HPS4: variants seen among roughly 807,000 people sequenced by gnomAD.
HPS4 encodes the protein HPS4 biogenesis of lysosomal organelles complex 3 subunit 2.
In HPS4, 44 loss-of-function variants were observed where a neutral mutation model predicts 70.3. That is an observed-to-expected ratio of 0.63 (90% confidence interval 0.49 to 0.80). The LOEUF is 0.80. HPS4 is among the 30% of genes least tolerant of loss of function. The probability of loss-of-function intolerance (pLI) is 0.00; values close to 1 mark genes in which losing one functional copy is unlikely to be tolerated. For synonymous variants in HPS4, 377 were observed against 355.9 expected (o/e 1.06, Z -0.67); for missense variants, 873 against 884.4 (o/e 0.99, Z 0.16).
intron 6 of HPS4, chr22:26,471,058 G>T: frequency 1.4e-6 from 1 of 692,114 alleles, no homozygotes; most frequent in Non-Finnish European, 2.5e-6. Flanking sequence ...AAGCTAGAAG[G>T]TGCAGCAAAT....
chr22:26,456,462 T>A (rs979357510), intron 13 of HPS4, among the ~76,000 whole-genome samples: 6 of 152,150 alleles, frequency 3.9e-5, no homozygotes, highest in Non-Finnish European at 5.9e-5. Flanking sequence ...ACATTGAGAC[T>A]ATCCTGGCCA....
rs746151193 is a variant in HPS4 at position 26,458,466 on chromosome 22, G to A, written c.1825C>T (p.Arg609Cys). The change falls in exon 12 of 14, where the codon CGC (arginine) becomes TGC (cysteine). Residue 609 changes from arginine (R) to cysteine (C), a missense_variant. Arg to Cys is a radical substitution (Grantham distance 180). Transcript: ENST00000398145. ...TTACCCATCAGCAAGCTCTGAATGC[G>A]GTCGTAATGTGTGAAGTTGTAGGTG... ...SSTYNFTHYD[R>C]IQSLLMANLP... 8 of 1,613,970 alleles carry A rather than the reference G, an allele frequency of 5.0e-6. No homozygotes were observed. The highest frequency in any genetic ancestry group is 2.2e-5 in the East Asian group (1 of 44,886).
At chr22:26,471,332 C>T (rs1045086359) in intron 6 of HPS4, 11 of 455,218 alleles carry the variant, frequency 2.4e-5, no homozygotes, top group African/African-American at 1.4e-4. Flanking sequence ...CTCTTTCACT[C>T]GGGGAAATAT....
At chr22:26,466,033 C>T (rs2088520646) in intron 9 of HPS4, 193 bp downstream of exon 9, 6 of 1,528,408 alleles carry the variant, frequency 3.9e-6, no homozygotes, top group Non-Finnish European at 5.3e-6. Flanking sequence ...GACAGCATGC[C>T]TAAAATCATA....
At position 26,457,965 on chromosome 22, in the gene HPS4, T is replaced by A; in HGVS notation, c.1849A>T (p.Asn617Tyr). 2 of 1,612,592 alleles carry A rather than the reference T, an allele frequency of 1.2e-6. No homozygotes were observed. The highest frequency in any genetic ancestry group is 1.7e-6 in the Non-Finnish European group (2 of 1,179,654). Reference protein sequence around the residue: ...YDRIQSLLMANLPQVATPQDR... With the variant: ...YDRIQSLLMAYLPQVATPQDR... ...TGCGGGGTGGCCACCTGCGGCAGGT[T>A]TGCTTCCAGAAGAGGACACAGAGTT... The change falls in exon 13 of 14, where the codon AAC (asparagine) becomes TAC (tyrosine). Residue 617 changes from asparagine (N) to tyrosine (Y), a missense_variant and splice_region_variant. Physicochemically the swap from Asn to Tyr is moderately radical, Grantham distance 143 (BLOSUM62 -2). Transcript: ENST00000398145.
chr22:26,473,551 G>A (rs904278270), intron 4 of HPS4, among the ~76,000 whole-genome samples: 2 of 152,112 alleles, frequency 1.3e-5, no homozygotes, highest in Admixed American at 6.5e-5. Flanking sequence ...TCAAGAGATC[G>A]AGACCATCCT....
chr22:26,478,865 G>GT (rs1358859359), intron 3 of HPS4, among the ~76,000 whole-genome samples: 1 of 151,950 alleles, frequency 6.6e-6, no homozygotes, highest in East Asian at 1.9e-4. Flanking sequence ...GGGATTTTTA[G>GT]TAGAGACAGG....
chr22:26,463,478 T>C (rs1347793190), intron 11 of HPS4, among the ~76,000 whole-genome samples: 1 of 152,224 alleles, frequency 6.6e-6, no homozygotes, highest in East Asian at 1.9e-4. Flanking sequence ...AGTCTCTGCC[T>C]GCATTATCTC....
At chr22:26,457,815 AG>A in intron 13 of HPS4, 43 bp downstream of exon 13, 1 of 1,457,962 alleles carries the variant, frequency 6.9e-7, no homozygotes, top group Non-Finnish European at 9.6e-7. Context: ...TCCCATGAGC[AG>A]GACCGTGGAG....
chr22:26,453,670 T>C lies in HPS4; in HGVS notation c.1956-266A>G, dbSNP rs1438974470. ...GCAGCAGCCACAGATCCTGGAGTTA[T>C]AAGTATTGCATAAAGGAACTGTGGA... On this transcript the variant is annotated intron_variant, in intron 13 of 13. Transcript: ENST00000398145. 4 of 515,570 alleles carry C rather than the reference T, an allele frequency of 7.8e-6. No individual in the cohort carries two copies. In the East Asian group the frequency reaches 1.1e-4, roughly 14 times the overall value. 31.9% of individuals were successfully genotyped at this position (515,570 alleles called of 1,614,324 possible).
intron 11 of HPS4, among the ~76,000 whole-genome samples, chr22:26,461,029 A>T (rs1431218367): frequency 6.6e-6 from 1 of 152,254 alleles, no homozygotes; most frequent in Non-Finnish European, 1.5e-5. Context: ...CCACCGATAT[A>T]TACTGCTACA....
intron 7 of HPS4, among the ~76,000 whole-genome samples, chr22:26,470,098 C>G (rs566715547): frequency 6.6e-6 from 1 of 152,264 alleles, no homozygotes; most frequent in Non-Finnish European, 1.5e-5. Flanking sequence ...CCGGGCACAG[C>G]GCAATGGCCC....
intron 13 of HPS4, 32 bp downstream of exon 13, chr22:26,457,827 A>G: frequency 6.5e-7 from 1 of 1,531,438 alleles, no homozygotes. Flanking sequence ...GACCGTGGAG[A>G]GTAGGTTGGG....
chr22:26,483,636 C>T, intron 1 of HPS4, 38 bp downstream of exon 1: 1 of 340,038 alleles, frequency 2.9e-6, no homozygotes, highest in East Asian at 5.0e-5. Context: ...GGGGGCCCGC[C>T]CCTCGGTATC....
At chr22:26,476,871 A>G in intron 4 of HPS4, 122 bp downstream of exon 4, 2 of 1,065,902 alleles carry the variant, frequency 1.9e-6, no homozygotes, top group South Asian at 1.3e-5. Flanking sequence ...GGTGATTACT[A>G]AACACAGTAC....
downstream of HPS4, among the ~76,000 whole-genome samples, chr22:26,450,287 G>C (rs1057040466): frequency 1.3e-5 from 2 of 152,204 alleles, no homozygotes; most frequent in Non-Finnish European, 2.9e-5. Context: ...TCACACCAGA[G>C]AAAGGTCTGC....
intron 5 of HPS4, among the ~76,000 whole-genome samples, 161 bp from the exon 6 acceptor site, chr22:26,472,579 C>T (rs748361157): frequency 3.3e-5 from 5 of 152,214 alleles, no homozygotes; most frequent in Admixed American, 6.5e-5. Flanking sequence ...GCGCCTGCCG[C>T]GTGGGGGTGG....
intron 1 of HPS4, chr22:26,482,614 G>A (rs944607145): frequency 6.6e-6 from 1 of 152,192 alleles, no homozygotes; most frequent in Non-Finnish European, 1.5e-5. Context: ...TCTAAAAAAT[G>A]AAGAGAACTT....
At chr22:26,449,323 A>ATTT (rs35895945), downstream of HPS4, among the ~76,000 whole-genome samples, 199 of 83,312 alleles carry the variant, frequency 2.4e-3, 1 homozygote, top group African/African-American at 2.8e-3. Flanking sequence ...ACTCCCCTGC[A>ATTT]TTTTTTTTTT....
Sources: gnomAD v4.1 joint callset for allele counts (sites outside exome capture counted in the v4.1 genomes callset) on GRCh38, gnomAD v4.1.1 for gene constraint, MANE v1.5 for transcripts, NCBI Gene and HGNC (gene_info 2026-07-23, HGNC 2026-07-21) for gene names.